The following OCA2 variants were observed in gnomAD, a reference collection of about 807,000 sequenced individuals.
The protein encoded by OCA2 is P protein.
In OCA2, 77 loss-of-function variants were observed where a neutral mutation model predicts 100.2. That is an observed-to-expected ratio of 0.77 (90% CI 0.64 to 0.93). The LOEUF is 0.93. Among genes scored for constraint, OCA2 ranks in the 40% least tolerant of loss-of-function variants. OCA2 has a pLI of 0.00. For missense variants in OCA2, 1,062 were observed against 1,089.1 expected (o/e 0.98, Z 0.35); for synonymous variants, 432 against 439.2 (o/e 0.98, Z 0.21).
chr15:27,845,387 C>T (rs575995972), intron 22 of OCA2, among the ~76,000 whole-genome samples: 1 of 152,254 alleles, frequency 6.6e-6, no homozygotes, highest in African/African-American at 2.4e-5. Context: ...AAGCCCAGAA[C>T]GTGTGTCCCT....
At chr15:27,878,954 C>G (rs1214796064) in intron 19 of OCA2, among the ~76,000 whole-genome samples, 1 of 152,124 alleles carries the variant, frequency 6.6e-6, no homozygotes, top group African/African-American at 2.4e-5. Flanking sequence ...ATCAACTCAT[C>G]ACGTAGGTAT....
intron 21 of OCA2, among the ~76,000 whole-genome samples, chr15:27,852,105 T>G (rs967756852): frequency 1.1e-4 from 16 of 152,242 alleles, no homozygotes; most frequent in Admixed American, 2.0e-4. Context: ...TAGTCAGCCG[T>G]GCCAGCCTCT....
chr15:28,085,541 G>A lies in OCA2; in HGVS notation c.-21-3646C>T, dbSNP rs145682240. Among the ~76,000 whole-genome samples the A allele has an allele frequency of 3.7e-3, 565 of 152,196 alleles. 4 individuals carry two copies. The highest frequency in any genetic ancestry group is 0.012 in the African/African-American group (484 of 41,516). On this transcript the variant is annotated intron_variant, in intron 1 of 23. Transcript: ENST00000354638. Reference sequence around the variant, plus strand: ...TGAGGAATGTCTCCAAGAGCAAAACGTCCCAGAATGGCTGTGCTGGCAAAA... The same window carrying A: ...TGAGGAATGTCTCCAAGAGCAAAACATCCCAGAATGGCTGTGCTGGCAAAA...
intron 9 of OCA2, among the ~76,000 whole-genome samples, chr15:27,998,349 C>T (rs1255007939): frequency 1.1e-5 from 1 of 92,196 alleles, no homozygotes; most frequent in Non-Finnish European, 3.3e-5. Flanking sequence ...AACAAATTTA[C>T]AAGAAAAAAA....
chr15:27,758,446 C>T (rs557817506), intron 23 of OCA2, among the ~76,000 whole-genome samples: 2 of 152,316 alleles, frequency 1.3e-5, no homozygotes, highest in Admixed American at 6.5e-5. Flanking sequence ...GCAGAGACCA[C>T]GTGGGGATCC....
chr15:27,818,890 G>A (rs1177504038), intron 23 of OCA2, among the ~76,000 whole-genome samples: 1 of 152,118 alleles, frequency 6.6e-6, no homozygotes, highest in Non-Finnish European at 1.5e-5. Context: ...TTTCCTAAGT[G>A]CCAAATTCCT....
chr15:27,779,456 ATATATT>A (rs2032420755), intron 23 of OCA2, among the ~76,000 whole-genome samples: 1 of 152,152 alleles, frequency 6.6e-6, no homozygotes, highest in South Asian at 2.1e-4. Flanking sequence ...TTGGGTGCAT[ATATATT>A]TATAATTGTT....
At chr15:27,839,669 A>G (rs888909807) in intron 23 of OCA2, among the ~76,000 whole-genome samples, 4 of 48,644 alleles carry the variant, frequency 8.2e-5, no homozygotes, top group African/African-American at 3.5e-4. Flanking sequence ...TCAAAGATAA[A>G]TAGTAAGAGA....
chr15:27,871,865 T>C lies in OCA2; in HGVS notation c.2137A>G (p.Lys713Glu). The C allele has an allele frequency of 5.6e-6, 9 of 1,594,476 alleles. No homozygotes were observed. Among genetic ancestry groups the C allele is most frequent in the Non-Finnish European group, 7.7e-6 (9 of 1,162,764 alleles). Residue 713 changes from lysine (K) to glutamate (E), a missense_variant and splice_region_variant, in exon 20 of 24, where the codon AAG becomes GAG. Coordinates refer to ENST00000354638, the MANE Select transcript of OCA2 (RefSeq NM_000275.3). Reference protein sequence around the residue: ...YVGEQTALLIKMVPEEQRLIA... With the variant: ...YVGEQTALLIEMVPEEQRLIA... Reference sequence around the variant, plus strand: ...TTCTATTATAGCATTTATTTTACCTTTATTAGCAAAGCAGTTTGTTCTCCA... The same window carrying C: ...TTCTATTATAGCATTTATTTTACCTCTATTAGCAAAGCAGTTTGTTCTCCA...
rs541121119 is a variant in OCA2 at position 27,989,531 on chromosome 15, C to T, written c.1182+70G>A. On this transcript the variant is annotated intron_variant, in intron 11 of 23. Transcript: ENST00000354638. ...CTTTAACATAATGAAGGACCCTCAGCGGTGGAGGCCAGAGAAGGCCCGGTT... is the reference window on the plus strand; with the variant it reads ...CTTTAACATAATGAAGGACCCTCAGTGGTGGAGGCCAGAGAAGGCCCGGTT... 96 of 1,246,572 alleles carry T rather than the reference C, an allele frequency of 7.7e-5. No homozygotes were observed. In the Admixed American group the frequency reaches 1.1e-3, roughly 14 times the overall value. 77.2% of individuals were successfully genotyped at this position (1,246,572 alleles called of 1,614,324 possible).
intron 2 of OCA2, among the ~76,000 whole-genome samples, chr15:28,063,095 T>A (rs977231968): frequency 2.6e-5 from 4 of 152,174 alleles, no homozygotes; most frequent in African/African-American, 9.6e-5. Context: ...TAGATTAATT[T>A]GGGTAGTAAT....
Position 27,957,444 on chromosome 15 carries a change from G to C in OCA2, c.1784+144C>G. On this transcript the variant is annotated intron_variant, in intron 16 of 23. Coordinates refer to ENST00000354638, the MANE Select transcript of OCA2 (RefSeq NM_000275.3). The surrounding 1 kb of genome is among the most constrained non-coding windows in gnomAD (Gnocchi z 4.3). ...CCCCTGCAGAGCTCAGTGAGGGTTAGATAAAATGTACTATAAGAGGCTTAG... is the reference window on the plus strand; with the variant it reads ...CCCCTGCAGAGCTCAGTGAGGGTTACATAAAATGTACTATAAGAGGCTTAG... 2.0e-6 allele frequency: 2 copies of C among 990,404 alleles called. No individual in the cohort carries two copies. The highest frequency in any genetic ancestry group is 1.6e-6 in the Non-Finnish European group (1 of 638,582). 61.4% of individuals were successfully genotyped at this position (990,404 alleles called of 1,614,324 possible). A position where few individuals can be genotyped will look rare whatever the true frequency, so the allele number is the denominator to read the frequency against.
At chr15:28,077,009 A>G (rs2044451720) in intron 2 of OCA2, among the ~76,000 whole-genome samples, 1 of 152,080 alleles carries the variant, frequency 6.6e-6, no homozygotes, top group South Asian at 2.1e-4. Context: ...CAAATGGGAA[A>G]GAGAGAGTGG....
chr15:28,066,888 A>C (rs2044041597), intron 2 of OCA2, among the ~76,000 whole-genome samples: 1 of 152,208 alleles, frequency 6.6e-6, no homozygotes, highest in African/African-American at 2.4e-5. Flanking sequence ...ATGGCTTTAG[A>C]TAATAACTTA....
chr15:28,038,017 T>C (rs901911339), intron 2 of OCA2, among the ~76,000 whole-genome samples: 3 of 152,216 alleles, frequency 2.0e-5, no homozygotes, highest in African/African-American at 7.2e-5. Flanking sequence ...TCTCTTTCTC[T>C]TTCTCTATCC....
chr15:27,977,493 T>C (rs2041007872), intron 14 of OCA2, among the ~76,000 whole-genome samples: 1 of 152,170 alleles, frequency 6.6e-6, no homozygotes. Flanking sequence ...GCTGAGTAAT[T>C]GCAATGGAGA....
intron 19 of OCA2, among the ~76,000 whole-genome samples, chr15:27,904,542 A>G (rs897421386): frequency 1.3e-5 from 2 of 152,118 alleles, no homozygotes; most frequent in African/African-American, 4.8e-5. Context: ...GGGCCAGCTC[A>G]GTGGCTGGGC....
chr15:28,019,671 A>T (rs1469294778), intron 6 of OCA2, among the ~76,000 whole-genome samples: 1 of 152,166 alleles, frequency 6.6e-6, no homozygotes, highest in East Asian at 1.9e-4. Flanking sequence ...AGGGCAGGCC[A>T]GAGGGCCGGG....
At chr15:28,062,746 G>A (rs2043913164) in intron 2 of OCA2, among the ~76,000 whole-genome samples, 1 of 152,160 alleles carries the variant, frequency 6.6e-6, no homozygotes. Context: ...ATGTGAAGTA[G>A]GGGTCCAACT....
Sources: gnomAD v4.1 joint callset for allele counts (sites outside exome capture counted in the v4.1 genomes callset) on GRCh38, gnomAD v4.1.1 for gene constraint, Gnocchi (gnomAD v3.1) non-coding constraint, MANE v1.5 for transcripts, NCBI Gene and HGNC (gene_info 2026-07-23, HGNC 2026-07-21) for gene names.